PAPPA: variants seen among roughly 807,000 people sequenced by gnomAD.
PAPPA encodes the protein pappalysin-1.
A neutral mutation model predicts 164.0 loss-of-function variants in PAPPA; 60 were observed. The ratio of observed to expected loss-of-function variants is 0.37; its 90% CI spans 0.30 to 0.45. The LOEUF is 0.45. Ranked by LOEUF, PAPPA falls within the 20% of genes least tolerant of loss-of-function variation. The pLI is 1.00. For synonymous variants in PAPPA, 875 were observed against 814.1 expected, an observed-to-expected ratio of 1.07 and a Z score of -1.27; for missense variants, 1,782 against 2,087.3, an observed-to-expected ratio of 0.85 and a Z score of 2.85.
chr9:116,345,121 A>C (rs1846190567), intron 14 of PAPPA, among the ~76,000 whole-genome samples: 1 of 152,210 alleles, frequency 6.6e-6, no homozygotes, highest in Non-Finnish European at 1.5e-5. Flanking sequence ...GTTCACTGGA[A>C]ATTGGATGCT....
At position 116,396,903 on chromosome 9, in the gene PAPPA, C is replaced by A; in HGVS notation, c.*287C>A. On this transcript the variant is annotated 3_prime_UTR_variant, in exon 22 of 22. Coordinates refer to ENST00000328252, the MANE Select transcript of PAPPA (RefSeq NM_002581.5). The stretch of plus-strand genomic sequence containing the variant: ...AAAATTCTAGCCATTTGTCACACAA[C>A]CACAGCAAGAAACGTGTTCTATATC... The A allele has an allele frequency of 2.2e-6, 1 of 444,568 alleles. No homozygotes were observed. The allele number at this position is 444,568 out of a possible 1,614,324, so 27.5% of individuals were successfully genotyped here.
intron 7 of PAPPA, among the ~76,000 whole-genome samples, chr9:116,251,951 A>G (rs1215458866): frequency 6.6e-6 from 1 of 152,242 alleles, no homozygotes; most frequent in African/African-American, 2.4e-5. Context: ...TGGATCTTTT[A>G]TAATTTCCAC....
intron 7 of PAPPA, among the ~76,000 whole-genome samples, chr9:116,252,454 T>C (rs1054610214): frequency 5.3e-5 from 8 of 152,102 alleles, no homozygotes; most frequent in Admixed American, 3.3e-4. Context: ...TGGCACTGAG[T>C]CCTCAGCATG....
Position 116,187,194 on chromosome 9 carries a change from A to T in PAPPA, c.456A>T (p.Gly152=). ...DKCSYISRDR[G]WVVGIHTISD... ...GTTCTTATATCTCACGTGACCGAGG[A>T]TGGGTCGTGGGCATTCACACCATCA... Residue 152 remains glycine (G), a synonymous_variant, in exon 2 of 22, where the codon GGA becomes GGT. Coordinates refer to ENST00000328252, the MANE Select transcript of PAPPA (RefSeq NM_002581.5). This position sits in a 1 kb window ranked among gnomAD's most constrained non-coding sequence, Gnocchi z 4.2. The T allele has an allele frequency of 6.2e-7, 1 of 1,614,042 alleles. No homozygotes were observed.
At chr9:116,370,617 C>G (rs771867773) in intron 19 of PAPPA, among the ~76,000 whole-genome samples, 4 of 152,216 alleles carry the variant, frequency 2.6e-5, no homozygotes, top group Non-Finnish European at 5.9e-5. Context: ...TGTCACTGAG[C>G]ACAAAGTTGG....
chr9:116,292,083 G>A (rs1183667882), intron 9 of PAPPA, among the ~76,000 whole-genome samples: 1 of 152,176 alleles, frequency 6.6e-6, no homozygotes, highest in African/African-American at 2.4e-5. Flanking sequence ...TTGTTGTGTC[G>A]ATAGATGTCT....
At chr9:116,336,239 G>GAA (rs147269950) in intron 13 of PAPPA, among the ~76,000 whole-genome samples, 7 of 147,666 alleles carry the variant, frequency 4.7e-5, no homozygotes, top group Admixed American at 6.7e-5. Flanking sequence ...CTGGGGGCAA[G>GAA]AAAAAAAAAA....
Position 116,325,497 on chromosome 9 carries a change from G to A in PAPPA, c.3148-5747G>A, listed in dbSNP as rs976761784. Among the ~76,000 whole-genome samples, 11 of 152,218 alleles carry A rather than the reference G, an allele frequency of 7.2e-5. No homozygotes were observed. In the South Asian group the frequency reaches 1.9e-3, roughly 26 times the overall value. ...GCCAGGTCTTCTACTGTCCATGGAC[G>A]GTATTTGAAGGAAACACAGAATATC... On this transcript the variant is annotated intron_variant, in intron 10 of 21. Coordinates refer to ENST00000328252, the MANE Select transcript of PAPPA (RefSeq NM_002581.5).
At chr9:116,348,627 A>G (rs1033533913) in intron 15 of PAPPA, among the ~76,000 whole-genome samples, 4 of 151,904 alleles carry the variant, frequency 2.6e-5, no homozygotes, top group African/African-American at 4.8e-5. Context: ...CCCTTTAGCC[A>G]TTTTTCCTGA....
chr9:116,295,493 G>T (rs961808057), intron 9 of PAPPA, among the ~76,000 whole-genome samples: 1 of 147,634 alleles, frequency 6.8e-6, no homozygotes, highest in African/African-American at 2.5e-5. Context: ...GGAAGAGGTT[G>T]CAGTGAGCCA....
rs1266425530 is a variant in PAPPA, at chr9:116,347,503, G to C, written c.3964+294G>C. On this transcript the variant is annotated intron_variant, in intron 15 of 21. Transcript: ENST00000328252. The surrounding 1 kb of genome is among the most constrained non-coding windows in gnomAD (Gnocchi z 4.5). The stretch of plus-strand genomic sequence containing the variant: ...AAGAAGGGAGGGAAGAAGGAAGAGA[G>C]AAAAAGAAAAAAAAGTTACATTTGG... 1.3e-5 allele frequency among the ~76,000 whole-genome samples: 2 copies of C among 151,870 alleles called. No homozygotes were observed. The highest frequency in any genetic ancestry group is 2.4e-5 in the African/African-American group (1 of 41,378).
rs551602902 is a variant in PAPPA at position 116,353,024 on chromosome 9, C to A, written c.4175+108C>A. On this transcript the variant is annotated intron_variant, in intron 16 of 21. Transcript: ENST00000328252. ...ATTTCTTCACTGGAGGTAATGACTG[C>A]CATTCATCCCATTCTGTTCTGTGAG... is the stretch of plus-strand genomic sequence containing the variant. The A allele has an allele frequency of 5.2e-6, 4 of 774,920 alleles. No homozygotes were observed. In the Admixed American group the frequency reaches 6.0e-5, roughly 12 times the overall value. 48.0% of individuals were successfully genotyped at this position (774,920 alleles called of 1,614,324 possible).
intron 9 of PAPPA, among the ~76,000 whole-genome samples, chr9:116,290,956 C>T (rs545447704): frequency 8.2e-4 from 125 of 152,170 alleles, no homozygotes; most frequent in Admixed American, 2.0e-3. Context: ...GAATGCCAGC[C>T]TATCTCTTGG....
intron 15 of PAPPA, among the ~76,000 whole-genome samples, chr9:116,351,771 G>A (rs1846285518): frequency 6.6e-6 from 1 of 152,136 alleles, no homozygotes; most frequent in Non-Finnish European, 1.5e-5. Flanking sequence ...GAAGCACTCG[G>A]TACATAGTAA....
chr9:116,336,898 A>G (rs1846068650), intron 13 of PAPPA, among the ~76,000 whole-genome samples: 1 of 152,248 alleles, frequency 6.6e-6, no homozygotes, highest in Non-Finnish European at 1.5e-5. Flanking sequence ...GAGAGAGGAC[A>G]GGAAGGGACA....
At chr9:116,224,797 A>T (rs2118716583) in intron 5 of PAPPA, among the ~76,000 whole-genome samples, 1 of 152,366 alleles carries the variant, frequency 6.6e-6, no homozygotes, top group African/African-American at 2.4e-5. Context: ...GCACATACTT[A>T]GAGCTTTAAG....
intron 9 of PAPPA, among the ~76,000 whole-genome samples, chr9:116,292,345 C>T (rs1845446849): frequency 6.6e-6 from 1 of 152,120 alleles, no homozygotes; most frequent in East Asian, 1.9e-4. Flanking sequence ...AAAAGAGAAG[C>T]AGATAGGCTG....
intron 10 of PAPPA, among the ~76,000 whole-genome samples, chr9:116,306,097 C>T (rs767707528): frequency 6.6e-6 from 1 of 152,178 alleles, no homozygotes; most frequent in South Asian, 2.1e-4. Context: ...GTCCCACTTT[C>T]TGTCTTTCCC....
intron 1 of PAPPA, among the ~76,000 whole-genome samples, chr9:116,179,799 G>T (rs1843882349): frequency 6.6e-6 from 1 of 152,130 alleles, no homozygotes; most frequent in African/African-American, 2.4e-5. Flanking sequence ...CTTTCCATAG[G>T]ATTGCTCTCT....
Sources: allele counts gnomAD v4.1 joint callset (sites outside exome capture counted in the v4.1 genomes callset), GRCh38; gene constraint gnomAD v4.1.1; non-coding constraint Gnocchi (gnomAD v3.1); transcripts MANE v1.5; gene names NCBI Gene and HGNC (gene_info 2026-07-23, HGNC 2026-07-21).